Variants in FBXW2 observed in about 807,000 individuals in gnomAD.
FBXW2 encodes the protein F-box and WD repeat domain containing 2.
Under a neutral mutation model 46.0 loss-of-function variants are expected in FBXW2, and 12 were observed. The ratio of observed to expected loss-of-function variants is 0.26; its 90% CI spans 0.17 to 0.42. The LOEUF (loss-of-function observed/expected upper bound fraction) is 0.42, where lower values mean the gene tolerates loss of function less well. FBXW2 is among the 10% of genes least tolerant of loss of function. FBXW2 has a pLI of 1.00. For synonymous variants in FBXW2, 203 were observed against 209.6 expected (o/e 0.97, Z 0.27); for missense variants, 360 against 537.0 (o/e 0.67, Z 3.26).
At position 120,778,582 on chromosome 9, in the gene FBXW2, A is replaced by C. The variant is rs142785901; in HGVS notation, c.491-37T>G. The C allele has an allele frequency of 9.6e-4, 1,510 of 1,573,318 alleles. 2 individuals carry two copies. The highest frequency in any genetic ancestry group is 5.0e-3 in the East Asian group (221 of 44,550). On this transcript the variant is annotated intron_variant, in intron 3 of 7. Coordinates refer to ENST00000608872, the MANE Select transcript of FBXW2 (RefSeq NM_012164.4). The stretch of plus-strand genomic sequence containing the variant: ...AAACAGGGAGGTTAATAAGAAAACA[A>C]ACACACTAAAGAAGGAAAATCAATC...
rs758100723 is a variant in FBXW2, at chr9:120,776,143, C to A, written c.769G>T (p.Ala257Ser). ...DFTVKVWALS[A>S]GTCLNTLTGH... ...GTGAGTGTGTTCAGGCATGTCCCAG[C>A]AGATAAAGCCCATACTTTCACAGTG... The change falls in exon 5 of 8, where the codon GCT becomes TCT. Residue 257 changes from alanine (A) to serine (S), a missense_variant. Transcript: ENST00000608872. 6.2e-7 allele frequency: 1 copy of A among 1,614,148 alleles called. No homozygotes were observed. Among genetic ancestry groups the A allele is most frequent in the African/African-American group, 1.3e-5 (1 of 75,030 alleles).
intron 4 of FBXW2, among the ~76,000 whole-genome samples, chr9:120,777,575 C>G (rs1041826653): frequency 1.3e-5 from 2 of 152,136 alleles, no homozygotes; most frequent in African/African-American, 4.8e-5. Context: ...TGGAAGGCTG[C>G]TCATAAACGT....
At chr9:120,775,080 AAG>A (rs2044464101) in intron 5 of FBXW2, among the ~76,000 whole-genome samples, 1 of 150,814 alleles carries the variant, frequency 6.6e-6, no homozygotes, top group Non-Finnish European at 1.5e-5. Context: ...TTTTTTTTGA[AAG>A]AGTCTCACTT....
intron 7 of FBXW2, among the ~76,000 whole-genome samples, chr9:120,765,239 C>T (rs115835799): frequency 4.6e-5 from 7 of 151,950 alleles, no homozygotes; most frequent in East Asian, 1.9e-4. Flanking sequence ...GGACTACAGA[C>T]GGCTGCCACT....
intron 7 of FBXW2, 43 bp from the exon 8 acceptor site, chr9:120,764,890 G>C: frequency 6.9e-7 from 1 of 1,456,778 alleles, no homozygotes; most frequent in Non-Finnish European, 9.2e-7. Context: ...AGGCAACCTT[G>C]CTTCTGTTTA....
chr9:120,757,301 A>G lies in FBXW2; in HGVS notation c.*7258T>C, dbSNP rs769231292. 2.0e-5 allele frequency: 3 copies of G among 152,218 alleles called. No individual in the cohort carries two copies. Among genetic ancestry groups the G allele is most frequent in the Non-Finnish European group, 4.4e-5 (3 of 68,024 alleles). 9.4% of individuals were successfully genotyped at this position (152,218 alleles called of 1,614,324 possible). Reference sequence around the variant, plus strand: ...CAGTGGTTAGACAAGTGTTCACTTCATAACTATTCGACAAAACTGTGTGTT... The same window carrying G: ...CAGTGGTTAGACAAGTGTTCACTTCGTAACTATTCGACAAAACTGTGTGTT... On this transcript the variant is annotated 3_prime_UTR_variant, in exon 8 of 8. Transcript: ENST00000608872.
At chr9:120,770,234 G>C (rs1341756157) in intron 7 of FBXW2, among the ~76,000 whole-genome samples, 1 of 152,090 alleles carries the variant, frequency 6.6e-6, no homozygotes, top group Non-Finnish European at 1.5e-5. Flanking sequence ...AAATTAGCCG[G>C]GCATGGTGGC....
intron 3 of FBXW2, among the ~76,000 whole-genome samples, chr9:120,787,190 G>T (rs926749100): frequency 6.6e-6 from 1 of 152,128 alleles, no homozygotes; most frequent in African/African-American, 2.4e-5. Context: ...CGCCACGCCC[G>T]GCTACTTTTT....
At chr9:120,793,007 A>G (rs1279473606) in intron 2 of FBXW2, 142 bp downstream of exon 2, 73 of 1,504,424 alleles carry the variant, frequency 4.9e-5, no homozygotes, top group Non-Finnish European at 6.3e-5. Flanking sequence ...CTGTTAACTC[A>G]TTTCGCAGCT....
intron 2 of FBXW2, among the ~76,000 whole-genome samples, chr9:120,792,181 T>C (rs1367236966): frequency 2.0e-5 from 3 of 152,158 alleles, no homozygotes; most frequent in African/African-American, 4.8e-5. Context: ...TTTTGCCCAG[T>C]ACCCATTCTC....
intron 3 of FBXW2, among the ~76,000 whole-genome samples, chr9:120,779,430 A>G (rs1463649564): frequency 1.3e-5 from 2 of 152,258 alleles, no homozygotes; most frequent in Non-Finnish European, 2.9e-5. Context: ...GACTAAAGCC[A>G]GCCACAATTC....
chr9:120,772,250 T>C (rs1384488925), intron 6 of FBXW2, among the ~76,000 whole-genome samples: 1 of 151,854 alleles, frequency 6.6e-6, no homozygotes, highest in Non-Finnish European at 1.5e-5. Flanking sequence ...ATTCCAGCAT[T>C]TTGGGAGGTC....
intron 2 of FBXW2, among the ~76,000 whole-genome samples, chr9:120,790,870 C>T (rs189218819): frequency 2.6e-5 from 4 of 152,146 alleles, no homozygotes; most frequent in Non-Finnish European, 4.4e-5. Context: ...CTAAAGATTA[C>T]GGAAGAAGCT....
intron 2 of FBXW2, 21 bp from the exon 3 acceptor site, chr9:120,788,299 G>C (rs371275118): frequency 3.0e-5 from 48 of 1,591,970 alleles, no homozygotes; most frequent in Admixed American, 1.7e-4. Flanking sequence ...TCAAAATATT[G>C]TATTAGTTCT....
intron 3 of FBXW2, among the ~76,000 whole-genome samples, chr9:120,781,174 T>TG (rs1284131127): frequency 1.3e-5 from 2 of 152,248 alleles, no homozygotes; most frequent in African/African-American, 4.8e-5. Flanking sequence ...TTTTAGACGT[T>TG]GACCTATTGA....
chr9:120,771,859 G>C (rs1018302602), intron 6 of FBXW2, among the ~76,000 whole-genome samples: 1 of 152,122 alleles, frequency 6.6e-6, no homozygotes, highest in South Asian at 2.1e-4. Context: ...AGGAGTTCAA[G>C]ACCAGCCTGG....
intron 6 of FBXW2, among the ~76,000 whole-genome samples, 194 bp downstream of exon 6, chr9:120,772,560 C>T (rs1050333846): frequency 1.3e-5 from 2 of 152,100 alleles, no homozygotes; most frequent in African/African-American, 4.8e-5. Flanking sequence ...TTTTCATTTA[C>T]AAATCCAAGT....
intron 6 of FBXW2, 56 bp from the exon 7 acceptor site, chr9:120,771,573 T>A: frequency 6.7e-7 from 1 of 1,497,664 alleles, no homozygotes. Flanking sequence ...CAGAAAAGCT[T>A]GTCCTTAAAA....
In FBXW2 at chr9:120,778,490, A is replaced by AT. The variant is rs770934778; in HGVS notation, c.545dup (p.Tyr182Ter). Residue 182 changes from tyrosine to a stop codon, truncating the protein, a stop_gained and frameshift_variant, in exon 4 of 8, where the codon TAT becomes TAAT. Transcript: ENST00000608872. LOFTEE classifies it high-confidence loss of function. ...LWDVSTGQCV[Y>*]GIQTHTCAAV... ...CTGCACAAGTGTGGGTCTGGATGCC[A>AT]TAAACGCACTGCCCTGTGCTCACAT... 6.2e-7 allele frequency: 1 copy of AT among 1,614,192 alleles called. No homozygotes were observed. The highest frequency in any genetic ancestry group is 8.5e-7 in the Non-Finnish European group (1 of 1,180,034).
Sources: gnomAD v4.1 joint callset for allele counts (sites outside exome capture counted in the v4.1 genomes callset) on GRCh38, gnomAD v4.1.1 for gene constraint, MANE v1.5 for transcripts, NCBI Gene and HGNC (gene_info 2026-07-23, HGNC 2026-07-21) for gene names.